The following MPPED2 variants were observed in gnomAD, a reference collection of about 807,000 sequenced individuals.
MPPED2 encodes the protein metallophosphoesterase MPPED2.
Under a neutral mutation model 33.0 loss-of-function variants are expected in MPPED2, and 5 were observed. The observed-to-expected ratio is 0.15, with a 90% confidence interval of 0.08 to 0.32. The LOEUF is 0.32. Ranked by LOEUF, MPPED2 falls within the 10% of genes least tolerant of loss-of-function variation. MPPED2 has a pLI of 1.00. For synonymous variants in MPPED2, 136 were observed against 141.9 expected, an observed-to-expected ratio of 0.96 and a Z score of 0.29; for missense variants, 275 against 372.1, an observed-to-expected ratio of 0.74 and a Z score of 2.15.
intron 4 of MPPED2, among the ~76,000 whole-genome samples, chr11:30,492,827 C>G (rs900251098): frequency 2.0e-5 from 3 of 152,166 alleles, no homozygotes; most frequent in African/African-American, 7.2e-5. Context: ...TTGTCAGGTT[C>G]AAATCAGACC....
chr11:30,386,887 A>G (rs947244900), exon 7 of MPPED2: 1 of 397,624 alleles, frequency 2.5e-6, no homozygotes. Context: ...GCCAACACTT[A>G]TTAAGCATCT....
intron 4 of MPPED2, among the ~76,000 whole-genome samples, chr11:30,453,421 G>A (rs1281027517): frequency 6.6e-6 from 1 of 152,156 alleles, no homozygotes; most frequent in African/African-American, 2.4e-5. Flanking sequence ...CTAGCAAAAT[G>A]AAGACGGAGA....
At chr11:30,554,682 A>G (rs1001733413) in intron 2 of MPPED2, among the ~76,000 whole-genome samples, 5 of 151,970 alleles carry the variant, frequency 3.3e-5, no homozygotes, top group Non-Finnish European at 7.4e-5. Context: ...TTTAGTAGAG[A>G]TGGGGTTTCA....
At chr11:30,564,300 C>T (rs1337166891) in intron 2 of MPPED2, among the ~76,000 whole-genome samples, 3 of 152,104 alleles carry the variant, frequency 2.0e-5, no homozygotes, top group African/African-American at 4.8e-5. Context: ...GTGTTCTATA[C>T]CTAGTCATGC....
intron 2 of MPPED2, among the ~76,000 whole-genome samples, chr11:30,565,723 TCCC>T (rs1444075092): frequency 6.6e-6 from 1 of 152,166 alleles, no homozygotes; most frequent in Non-Finnish European, 1.5e-5. Context: ...TCTTAGTATC[TCCC>T]CTCTTTTAAT....
chr11:30,459,051 A>G (rs1032116495), intron 4 of MPPED2, among the ~76,000 whole-genome samples: 3 of 143,748 alleles, frequency 2.1e-5, no homozygotes, highest in Non-Finnish European at 3.0e-5. Flanking sequence ...TCAGCCTCCC[A>G]AGTAGCTGGG....
intron 6 of MPPED2, among the ~76,000 whole-genome samples, chr11:30,394,953 A>G (rs1469088279): frequency 1.3e-5 from 2 of 152,198 alleles, no homozygotes; most frequent in Non-Finnish European, 2.9e-5. Context: ...TCTTTAAAAG[A>G]CTGGACTTTC....
intron 1 of MPPED2, among the ~76,000 whole-genome samples, chr11:30,583,661 A>C (rs61886879): frequency 0.36 from 55,272 of 151,960 alleles, 10,370 homozygotes; most frequent in South Asian, 0.52. Flanking sequence ...TCGGCTGGCA[A>C]TGAAGGGATT....
chr11:30,473,691 T>C (rs1302997435), intron 4 of MPPED2, among the ~76,000 whole-genome samples: 1 of 152,164 alleles, frequency 6.6e-6, no homozygotes, highest in African/African-American at 2.4e-5. Flanking sequence ...GAGATTAGAT[T>C]ACCAAAAGAC....
At chr11:30,498,997 A>T (rs983294941) in intron 3 of MPPED2, among the ~76,000 whole-genome samples, 1 of 152,196 alleles carries the variant, frequency 6.6e-6, no homozygotes, top group Non-Finnish European at 1.5e-5. Context: ...GTGTCACATA[A>T]GTAGATACTC....
At chr11:30,476,151 T>C (rs1477231007) in intron 4 of MPPED2, among the ~76,000 whole-genome samples, 1 of 152,068 alleles carries the variant, frequency 6.6e-6, no homozygotes, top group Non-Finnish European at 1.5e-5. Flanking sequence ...GAGATTTACA[T>C]AATATCCAGA....
chr11:30,427,597 C>A (rs1438485664), intron 4 of MPPED2, among the ~76,000 whole-genome samples: 1 of 152,030 alleles, frequency 6.6e-6, no homozygotes, highest in Non-Finnish European at 1.5e-5. Context: ...TATTTGTCAG[C>A]TGAATTAAGA....
chr11:30,555,740 T>C (rs1025407121), intron 2 of MPPED2, among the ~76,000 whole-genome samples: 24 of 152,160 alleles, frequency 1.6e-4, no homozygotes, highest in African/African-American at 5.8e-4. Flanking sequence ...TTAAACCTCT[T>C]TTTCTTGATA....
intron 4 of MPPED2, among the ~76,000 whole-genome samples, chr11:30,472,724 C>T (rs892485614): frequency 6.6e-6 from 1 of 152,078 alleles, no homozygotes; most frequent in African/African-American, 2.4e-5. Context: ...TTCATTGAGA[C>T]ACAAAATGGA....
intron 4 of MPPED2, among the ~76,000 whole-genome samples, chr11:30,492,702 G>GACGT (rs1185820770): frequency 1.4e-5 from 1 of 70,132 alleles, no homozygotes; most frequent in Non-Finnish European, 2.4e-5. Context: ...AAAATAAATT[G>GACGT]ACGTACCTTA....
chr11:30,548,105 C>T (rs1454564375), intron 2 of MPPED2, among the ~76,000 whole-genome samples: 1 of 152,178 alleles, frequency 6.6e-6, no homozygotes, highest in Non-Finnish European at 1.5e-5. Flanking sequence ...GTATGACACT[C>T]TGGACAAGTT....
At chr11:30,394,923 T>A (rs1424599114) in intron 6 of MPPED2, among the ~76,000 whole-genome samples, 3 of 152,218 alleles carry the variant, frequency 2.0e-5, no homozygotes, top group African/African-American at 7.2e-5. Context: ...GCATGTGAAG[T>A]TAAATTGTTC....
chr11:30,446,024 C>T (rs1274806008), intron 4 of MPPED2, among the ~76,000 whole-genome samples: 2 of 152,166 alleles, frequency 1.3e-5, no homozygotes, highest in Middle Eastern at 3.2e-3. Flanking sequence ...TACATGTGTA[C>T]GTTCTTGAGG....
intron 4 of MPPED2, among the ~76,000 whole-genome samples, chr11:30,466,620 G>A (rs1357222303): frequency 6.6e-6 from 1 of 152,206 alleles, no homozygotes; most frequent in East Asian, 1.9e-4. Context: ...AAAGGATCAG[G>A]GTAGCCATTG....
Sources: allele counts gnomAD v4.1 joint callset (sites outside exome capture counted in the v4.1 genomes callset), GRCh38; gene constraint gnomAD v4.1.1; transcripts MANE v1.5; gene names NCBI Gene and HGNC (gene_info 2026-07-23, HGNC 2026-07-21).